Variants in LRRC75B observed in about 807,000 individuals in gnomAD.
LRRC75B encodes the protein leucine rich repeat containing 75B.
A neutral mutation model predicts 16.5 loss-of-function variants in LRRC75B; 20 were observed. The observed-to-expected ratio is 1.21, with a 90% CI of 0.85 to 1.76. The LOEUF is 1.76. Ranked by LOEUF, LRRC75B falls within the 40% of genes most tolerant of loss-of-function variation. The pLI, the probability that LRRC75B is intolerant of heterozygous loss-of-function variation, is 0.00. For synonymous variants in LRRC75B, 199 were observed against 198.1 expected (o/e 1.00, Z -0.04); for missense variants, 406 against 417.0 (o/e 0.97, Z 0.23).
rs370571463 is a variant in LRRC75B, at chr22:24,588,302, T to C, written c.334A>G (p.Lys112Glu). ...KDYELWKSSDKICRQLIYHLT... is the reference protein window; with the variant it reads ...KDYELWKSSDEICRQLIYHLT... ...TGGTAGATGAGCTGTCGGCAGATCT[T>C]GTCCGAGGACTTCCAGAGCTCATAG... Residue 112 changes from lysine (K) to glutamate (E), a missense_variant, in exon 3 of 4, where the codon AAG (lysine) becomes GAG (glutamate). Physicochemically the swap from Lys to Glu is moderately conservative, Grantham distance 56. Transcript: ENST00000318753. 1 of 1,613,404 alleles carries C rather than the reference T, an allele frequency of 6.2e-7. No individual in the cohort carries two copies. Among genetic ancestry groups the C allele is most frequent in the Admixed American group, 1.7e-5 (1 of 60,002 alleles).
chr22:24,587,722 A>G (rs1470788364), intron 3 of LRRC75B, among the ~76,000 whole-genome samples: 1 of 152,226 alleles, frequency 6.6e-6, no homozygotes, highest in Non-Finnish European at 1.5e-5. Context: ...AGTTTTAGGC[A>G]GCCTGGCAGT....
chr22:24,592,327 G>A (rs1389390692), intron 1 of LRRC75B: 1 of 470,332 alleles, frequency 2.1e-6, no homozygotes, highest in Non-Finnish European at 4.4e-6. Flanking sequence ...GGTGATGCAT[G>A]GATGGCTCTC....
At chr22:24,587,606 C>T (rs1397317191) in intron 3 of LRRC75B, among the ~76,000 whole-genome samples, 1 of 152,134 alleles carries the variant, frequency 6.6e-6, no homozygotes, top group Non-Finnish European at 1.5e-5. Context: ...GTGGCCAGCT[C>T]TGGACTGAGC....
At position 24,589,853 on chromosome 22, in the gene LRRC75B, T is replaced by C; in HGVS notation, c.274A>G (p.Asn92Asp). 6.2e-7 allele frequency: 1 copy of C among 1,613,800 alleles called. No individual in the cohort carries two copies. The highest frequency in any genetic ancestry group is 1.3e-5 in the African/African-American group (1 of 75,042). The stretch of plus-strand genomic sequence containing the variant: ...GGGCACTGCAGGTCCCGGGCCAGGT[T>C]CACAAGCAGGTCATGGGAGATGGGG... ...VDPISHDLLV[N>D]LARDLQCPKK... The change falls in exon 2 of 4, where the codon AAC (asparagine) becomes GAC (aspartate). Residue 92 changes from asparagine (N) to aspartate (D), a missense_variant. Asn to Asp is a conservative substitution (Grantham distance 23). Coordinates refer to ENST00000318753, the MANE Select transcript of LRRC75B (RefSeq NM_207644.3).
At chr22:24,589,110 C>T (rs1331997702) in intron 2 of LRRC75B, 1 of 1,098,846 alleles carries the variant, frequency 9.1e-7, no homozygotes, top group African/African-American at 1.7e-5. Context: ...GCATTCAGAG[C>T]TGGCAGGGCC....
intron 2 of LRRC75B, chr22:24,588,709 C>T (rs568105035): frequency 1.7e-5 from 18 of 1,075,314 alleles, no homozygotes; most frequent in South Asian, 3.0e-5. Context: ...CCAGGCCCCT[C>T]GAGGGAGCCG....
At chr22:24,586,436 TGGACTAGGCAACCA>T in intron 3 of LRRC75B, 25 bp from the exon 4 acceptor site, 2 of 1,590,042 alleles carry the variant, frequency 1.3e-6, no homozygotes, top group South Asian at 2.3e-5. Flanking sequence ...CAGGTGGGGA[TGGACTAGGCAACCA>T]GGCAGTCCCC....
chr22:24,592,443 C>T (rs1223877146), intron 1 of LRRC75B: 3 of 470,096 alleles, frequency 6.4e-6, no homozygotes, highest in Non-Finnish European at 1.3e-5. Context: ...GGGGAAGTTA[C>T]CCTCTTCCAT....
chr22:24,586,539 C>T (rs1002313012), intron 3 of LRRC75B, 128 bp from the exon 4 acceptor site: 49 of 1,066,440 alleles, frequency 4.6e-5, no homozygotes, highest in Admixed American at 7.1e-5. Context: ...CTGTGTCTTT[C>T]GTATTTTTTG....
intron 2 of LRRC75B, 45 bp downstream of exon 2, chr22:24,589,776 G>T: frequency 6.4e-7 from 1 of 1,568,968 alleles, no homozygotes; most frequent in Non-Finnish European, 8.6e-7. Flanking sequence ...TGGCCCCCCT[G>T]TCCACCACAG....
chr22:24,585,660 T>C lies in LRRC75B; in HGVS notation c.*226A>G, dbSNP rs984285642. ...GCGGGTGTCACTCTTTATTGCGGGG[T>C]CCACACTGTGGGTGCTGGGGCCCCT... is the stretch of plus-strand genomic sequence containing the variant. On this transcript the variant is annotated 3_prime_UTR_variant, in exon 4 of 4. Transcript: ENST00000318753. 1.7e-6 allele frequency: 1 copy of C among 583,438 alleles called. No homozygotes were observed. Among genetic ancestry groups the C allele is most frequent in the African/African-American group, 1.9e-5 (1 of 53,626 alleles). The allele number at this position is 583,438 out of a possible 1,614,324, so 36.1% of individuals were successfully genotyped here.
chr22:24,592,895 GC>G lies in LRRC75B; in HGVS notation c.144del (p.Glu48AspfsTer44). On this transcript the variant is annotated frameshift_variant, in exon 1 of 4. Transcript: ENST00000318753. LOFTEE classifies it high-confidence loss of function. The part of the protein sequence containing the change: ...IQSTLRERRP[E>X]RARQLLRLLR... ...AGGAGGCGCAGCAGCTGCCGGGCGC[GC>G]TCCGGCCGCCGCTCGCGGAGCGTGG... 7.8e-7 allele frequency: 1 copy of G among 1,280,568 alleles called. No individual in the cohort carries two copies. The highest frequency in any genetic ancestry group is 9.9e-7 in the Non-Finnish European group (1 of 1,013,156). The allele number at this position is 1,280,568 out of a possible 1,614,324, so 79.3% of individuals were successfully genotyped here. A position where few individuals can be genotyped will look rare whatever the true frequency, so the allele number is the denominator to read the frequency against.
Position 24,585,779 on chromosome 22 carries a change from T to TACACTGG in LRRC75B, c.*100_*106dup, listed in dbSNP as rs2045374830. 1 of 1,170,038 alleles carries TACACTGG rather than the reference T, an allele frequency of 8.5e-7. No individual in the cohort carries two copies. Among genetic ancestry groups the TACACTGG allele is most frequent in the Admixed American group, 2.7e-5 (1 of 36,410 alleles). The allele number at this position is 1,170,038 out of a possible 1,614,324, so 72.5% of individuals were successfully genotyped here. On this transcript the variant is annotated 3_prime_UTR_variant, in exon 4 of 4. Transcript: ENST00000318753. ...TCCCCTTAATCTCAGGCTGAGCATT[T>TACACTGG]ACACTGGATTTCTGGGGGCCTGTGA...
chr22:24,586,979 G>C (rs1011013901), intron 3 of LRRC75B, among the ~76,000 whole-genome samples: 2 of 152,196 alleles, frequency 1.3e-5, no homozygotes, highest in African/African-American at 4.8e-5. Context: ...AAATCTCACT[G>C]TGTGCCCAGC....
chr22:24,593,007 G>A lies in LRRC75B; in HGVS notation c.33C>T (p.Pro11=). 6.3e-6 allele frequency: 7 copies of A among 1,119,188 alleles called. No individual in the cohort carries two copies. The highest frequency in any genetic ancestry group is 1.7e-5 in the African/African-American group (1 of 60,540). 69.3% of individuals were successfully genotyped at this position (1,119,188 alleles called of 1,614,324 possible). The change falls in exon 1 of 4, where the codon CCC becomes CCT. Residue 11 remains proline (P), a synonymous_variant. Coordinates refer to ENST00000318753, the MANE Select transcript of LRRC75B (RefSeq NM_207644.3). MGARLGRRAG[P]EAGSEAGAAA... ...CCGCCCCGGCCTCAGAGCCAGCCTC[G>A]GGCCCGGCCCGCCGGCCCAGCCGCG...
At chr22:24,588,573 G>A in intron 2 of LRRC75B, 2 of 864,140 alleles carry the variant, frequency 2.3e-6, no homozygotes, top group East Asian at 3.4e-5. Context: ...CCCGGCGGGA[G>A]GAAGCCCAGA....
Position 24,586,153 on chromosome 22 carries a change from C to T in LRRC75B, c.681G>A (p.Lys227=), listed in dbSNP as rs1350889610. Residue 227 remains lysine, a synonymous_variant, in exon 4 of 4, where the codon AAG becomes AAA. Coordinates refer to ENST00000318753, the MANE Select transcript of LRRC75B (RefSeq NM_207644.3). ...TGGTGTCCTTGATGGCATCAGTGAG[C>T]TTGCGGGCAGTGGCCCGCGTCAGTC... ...GNRLTRATAR[K]LTDAIKDTTK... 6.2e-7 allele frequency: 1 copy of T among 1,613,516 alleles called. No individual in the cohort carries two copies. Among genetic ancestry groups the T allele is most frequent in the East Asian group, 2.2e-5 (1 of 44,884 alleles).
intron 2 of LRRC75B, 61 bp downstream of exon 2, chr22:24,589,760 C>T (rs1601593387): frequency 2.0e-6 from 3 of 1,507,596 alleles, no homozygotes; most frequent in East Asian, 4.8e-5. Flanking sequence ...CAGCCCTGGG[C>T]TCTGTTGGCC....
intron 2 of LRRC75B, 124 bp from the exon 3 acceptor site, chr22:24,588,453 G>A: frequency 1.2e-6 from 1 of 821,636 alleles, no homozygotes; most frequent in Non-Finnish European, 2.0e-6. Flanking sequence ...GCATCACCGA[G>A]TTGCCCACCA....
Sources: allele counts gnomAD v4.1 joint callset (sites outside exome capture counted in the v4.1 genomes callset), GRCh38; gene constraint gnomAD v4.1.1; transcripts MANE v1.5; gene names NCBI Gene and HGNC (gene_info 2026-07-23, HGNC 2026-07-21).